RYR2: variants seen among roughly 807,000 people sequenced by gnomAD.
RYR2 encodes the protein cardiac muscle ryanodine receptor-calcium release channel.
RYR2 carries 227 observed loss-of-function variants against 601.1 expected under a neutral mutation model. The observed-to-expected ratio is 0.38, with a 90% CI of 0.34 to 0.42. RYR2 has a LOEUF of 0.42. RYR2 is among the 10% of genes least tolerant of loss of function. The probability of loss-of-function intolerance (pLI) is 1.00; values close to 1 mark genes in which losing one functional copy is unlikely to be tolerated. For synonymous variants in RYR2, 2,223 were observed against 2,175.1 expected, an observed-to-expected ratio of 1.02 and a Z score of -0.61; for missense variants, 4,646 against 6,156.5, an observed-to-expected ratio of 0.75 and a Z score of 8.21.
intron 1 of RYR2, among the ~76,000 whole-genome samples, chr1:237,173,242 G>A (rs934414013): frequency 1.3e-5 from 2 of 151,942 alleles, no homozygotes; most frequent in African/African-American, 4.8e-5. Context: ...AAAAAAGGAA[G>A]CAAGAACCCA....
chr1:237,712,587 A>G (rs2685300), intron 71 of RYR2, among the ~76,000 whole-genome samples: 80,214 of 151,952 alleles, frequency 0.53, 24,597 homozygotes, highest in Non-Finnish European at 0.69. Context: ...AAAAGTCAGT[A>G]TAATGTATGT....
chr1:237,650,271 G>A (rs1178602718), intron 50 of RYR2, among the ~76,000 whole-genome samples, 174 bp downstream of exon 50: 1 of 152,166 alleles, frequency 6.6e-6, no homozygotes, highest in Non-Finnish European at 1.5e-5. Context: ...CTTGCTCCCA[G>A]TCAAGTTCCA....
intron 1 of RYR2, among the ~76,000 whole-genome samples, chr1:237,121,537 T>G (rs1389678219): frequency 6.6e-6 from 1 of 152,210 alleles, no homozygotes; most frequent in Non-Finnish European, 1.5e-5. Flanking sequence ...TCCAGATTAA[T>G]CATTTCCTAG....
chr1:237,611,490 G>A (rs1001748569), intron 36 of RYR2, among the ~76,000 whole-genome samples: 1 of 152,124 alleles, frequency 6.6e-6, no homozygotes, highest in South Asian at 2.1e-4. Context: ...ATGCATTCTA[G>A]GCAGTAATAA....
At chr1:237,489,005 T>C (rs77458179) in intron 17 of RYR2, among the ~76,000 whole-genome samples, 3,876 of 152,280 alleles carry the variant, frequency 0.025, 124 homozygotes, top group East Asian at 0.076. Flanking sequence ...GCGTGGACCA[T>C]GAGGTCTGTT....
rs551508156 is a variant in RYR2 at position 237,374,206 on chromosome 1, A to G, written c.385-511A>G. On this transcript the variant is annotated intron_variant, in intron 6 of 104. Coordinates refer to ENST00000366574, the MANE Select transcript of RYR2 (RefSeq NM_001035.3). ...GGATGCCAAATTACAGGTCAGAATAAGACTCTGCTGGTACAACTATAAACC... is the reference window on the plus strand; with the variant it reads ...GGATGCCAAATTACAGGTCAGAATAGGACTCTGCTGGTACAACTATAAACC... Among the ~76,000 whole-genome samples the G allele has an allele frequency of 2.4e-4, 36 of 152,236 alleles. No individual in the cohort carries two copies. In the South Asian group the frequency reaches 7.5e-3, roughly 32 times the overall value.
At chr1:237,724,800 C>T (rs577632279) in intron 74 of RYR2, among the ~76,000 whole-genome samples, 1 of 151,810 alleles carries the variant, frequency 6.6e-6, no homozygotes, top group Admixed American at 6.6e-5. Context: ...GTTTTTAATT[C>T]TTCCTAGTGT....
chr1:237,464,200 T>C (rs1274557255), intron 16 of RYR2, among the ~76,000 whole-genome samples: 1 of 152,172 alleles, frequency 6.6e-6, no homozygotes, highest in Non-Finnish European at 1.5e-5. Flanking sequence ...GTTCATGGAC[T>C]AAGATAGTCA....
At chr1:237,806,362 C>T in intron 99 of RYR2, 79 bp downstream of exon 99, 1 of 1,357,432 alleles carries the variant, frequency 7.4e-7, no homozygotes, top group Non-Finnish European at 1.0e-6. Flanking sequence ...AACTACCCCT[C>T]AAATGACAAT....
intron 34 of RYR2, among the ~76,000 whole-genome samples, chr1:237,598,610 CA>C (rs1676144951): frequency 6.6e-6 from 1 of 151,974 alleles, no homozygotes; most frequent in Admixed American, 6.6e-5. Context: ...TTTCTTGAGA[CA>C]AACAAAAATG....
chr1:237,652,898 G>A lies in RYR2; in HGVS notation c.7825-1376G>A, dbSNP rs188049121. On this transcript the variant is annotated intron_variant, in intron 51 of 104. Coordinates refer to ENST00000366574, the MANE Select transcript of RYR2 (RefSeq NM_001035.3). ...ATGTATGTGTCCATTTTTTTTAACT[G>A]AAAGGGAAAGTAAATGAGTTGTAAT... 8.5e-5 allele frequency among the ~76,000 whole-genome samples: 13 copies of A among 152,160 alleles called. No individual in the cohort carries two copies. The East Asian group carries it at 2.3e-3, about 27-fold the overall frequency.
chr1:237,820,289 G>A (rs1289694810), intron 101 of RYR2, among the ~76,000 whole-genome samples: 3 of 152,052 alleles, frequency 2.0e-5, no homozygotes, highest in South Asian at 2.1e-4. Flanking sequence ...TGACGCAGAA[G>A]GTGGGTGATT....
intron 8 of RYR2, among the ~76,000 whole-genome samples, chr1:237,378,421 T>C (rs930043651): frequency 6.6e-6 from 1 of 152,206 alleles, no homozygotes; most frequent in African/African-American, 2.4e-5. Flanking sequence ...TGAAGTAAGT[T>C]GAAATGAAGA....
intron 2 of RYR2, among the ~76,000 whole-genome samples, chr1:237,324,923 A>G (rs984087776): frequency 6.6e-6 from 1 of 152,236 alleles, no homozygotes; most frequent in Non-Finnish European, 1.5e-5. Flanking sequence ...AGTGTTAACA[A>G]AACAGCCCAA....
At chr1:237,315,644 C>T (rs1054638018) in intron 2 of RYR2, among the ~76,000 whole-genome samples, 11 of 152,062 alleles carry the variant, frequency 7.2e-5, no homozygotes, top group Admixed American at 6.5e-5. Flanking sequence ...GATCACAAAG[C>T]CCCAGTAGCT....
chr1:237,386,276 G>A (rs1338751206), intron 8 of RYR2, among the ~76,000 whole-genome samples: 4 of 152,156 alleles, frequency 2.6e-5, no homozygotes, highest in Non-Finnish European at 5.9e-5. Context: ...GAGAGTGAAC[G>A]ACCTCTTCTT....
chr1:237,047,930 C>G (rs75664822), intron 1 of RYR2, among the ~76,000 whole-genome samples: 2,658 of 152,260 alleles, frequency 0.017, 90 homozygotes, highest in African/African-American at 0.061. Flanking sequence ...TGACTTCATC[C>G]AGCTCTGAGA....
At chr1:237,264,428 G>T (rs537326897) in intron 1 of RYR2, among the ~76,000 whole-genome samples, 20 of 152,238 alleles carry the variant, frequency 1.3e-4, no homozygotes, top group South Asian at 8.3e-4. Flanking sequence ...TCAGTATGAT[G>T]ATTTGGGGAA....
At chr1:237,564,261 C>T (rs537275010) in intron 27 of RYR2, among the ~76,000 whole-genome samples, 170 of 151,946 alleles carry the variant, frequency 1.1e-3, no homozygotes, top group African/African-American at 4.0e-3. Context: ...GCACTGAGAA[C>T]GAGTTTCTTT....
Sources: allele counts gnomAD v4.1 joint callset (sites outside exome capture counted in the v4.1 genomes callset), GRCh38; gene constraint gnomAD v4.1.1; transcripts MANE v1.5; gene names NCBI Gene and HGNC (gene_info 2026-07-23, HGNC 2026-07-21).